The following SYTL3 variants were observed in gnomAD, a reference collection of about 807,000 sequenced individuals.
SYTL3 encodes synaptotagmin like 3, also known as synaptotagmin-like protein 3.
SYTL3 carries 88 observed loss-of-function variants against 82.1 expected under a neutral mutation model. That is an observed-to-expected ratio of 1.07 (90% confidence interval 0.90 to 1.28). SYTL3 has a LOEUF of 1.28. SYTL3 is among the 50% of genes most tolerant of loss of function. The probability of loss-of-function intolerance (pLI) is 0.00; values close to 1 mark genes in which losing one functional copy is unlikely to be tolerated. For synonymous variants in SYTL3, 311 were observed against 289.4 expected (o/e 1.07, Z -0.76); for missense variants, 831 against 757.6 (o/e 1.10, Z -1.14).
At chr6:158,752,460 CA>C (rs1411787670) in intron 13 of SYTL3, among the ~76,000 whole-genome samples, 1 of 152,228 alleles carries the variant, frequency 6.6e-6, no homozygotes, top group African/African-American at 2.4e-5. Context: ...GTATTTCTGA[CA>C]AACTCAGGTT....
At chr6:158,739,619 G>A (rs1470126625) in intron 11 of SYTL3, among the ~76,000 whole-genome samples, 2 of 151,318 alleles carry the variant, frequency 1.3e-5, no homozygotes, top group Non-Finnish European at 2.9e-5. Flanking sequence ...TTCTGAGATG[G>A]GGGTCTCATT....
chr6:158,694,228 A>C (rs2128427335), intron 6 of SYTL3, among the ~76,000 whole-genome samples: 1 of 152,264 alleles, frequency 6.6e-6, no homozygotes, highest in Non-Finnish European at 1.5e-5. Context: ...CTTGCCCTTC[A>C]AAATTTTTTG....
At position 158,760,743 on chromosome 6, in the gene SYTL3, A is replaced by G; in HGVS notation, c.1412A>G (p.Glu471Gly). ...SRPRKLQEAQ[E>G]GTDQPSLHGQ... ...CCCAGAAAACTCCAAGAGGCTCAAG[A>G]AGGTCAGTGGCCTCCAGCTCCCTGG... The change falls in exon 15 of 18, where the codon GAA becomes GGA. Residue 471 changes from glutamate to glycine, a missense_variant and splice_region_variant. By Grantham distance (98) the Glu-to-Gly change is moderately conservative (BLOSUM62 -2). Coordinates refer to ENST00000611299, the MANE Select transcript of SYTL3 (RefSeq NM_001242394.2). 2 of 1,612,486 alleles carry G rather than the reference A, an allele frequency of 1.2e-6. No individual in the cohort carries two copies. Among genetic ancestry groups the G allele is most frequent in the Non-Finnish European group, 8.5e-7 (1 of 1,178,550 alleles).
At chr6:158,725,328 T>C (rs529151550) in intron 10 of SYTL3, among the ~76,000 whole-genome samples, 175 bp from the exon 11 acceptor site, 1 of 150,964 alleles carries the variant, frequency 6.6e-6, no homozygotes, top group East Asian at 1.9e-4. Flanking sequence ...TGTGTGTGCG[T>C]GTGTGTGTGT....
chr6:158,724,669 C>T (rs750925524), intron 10 of SYTL3, among the ~76,000 whole-genome samples: 37 of 152,230 alleles, frequency 2.4e-4, no homozygotes, highest in Non-Finnish European at 2.4e-4. Context: ...TTTAAGTAGT[C>T]ATGTGTGGCT....
At chr6:158,706,997 A>G (rs1441832614) in intron 6 of SYTL3, among the ~76,000 whole-genome samples, 1 of 152,220 alleles carries the variant, frequency 6.6e-6, no homozygotes, top group African/African-American at 2.4e-5. Context: ...TTTCCATAAC[A>G]TAAAATGTGT....
At chr6:158,733,363 G>A (rs1785664240) in intron 11 of SYTL3, among the ~76,000 whole-genome samples, 1 of 151,792 alleles carries the variant, frequency 6.6e-6, no homozygotes. Flanking sequence ...GTCTTGCTCT[G>A]TCACCAAGGC....
At position 158,710,690 on chromosome 6, in the gene SYTL3, A is replaced by AT. The variant is rs955172007; in HGVS notation, c.516+2307dup. Among the ~76,000 whole-genome samples, 9 of 148,476 alleles carry AT rather than the reference A, an allele frequency of 6.1e-5. No homozygotes were observed. The East Asian group carries it at 9.9e-4, about 16-fold the overall frequency. On this transcript the variant is annotated intron_variant, in intron 8 of 17. Transcript: ENST00000611299. ...TAATTTGGCAGCGGAGATTTCTTGT[A>AT]TTTTTTTTGCCTGTGTTTTTACTTC...
chr6:158,707,245 T>A lies in SYTL3; in HGVS notation c.410T>A (p.Val137Asp). The A allele has an allele frequency of 6.2e-7, 1 of 1,613,980 alleles. No individual in the cohort carries two copies. The highest frequency in any genetic ancestry group is 8.5e-7 in the Non-Finnish European group (1 of 1,180,038). ...TCTCTCGCAGGCAAACATGAGACAG[T>A]TGGAGGGCAGCTCTTGCAATCTTAT... ...KFPTGGKHET[V>D]GGQLLQSYQK... is the part of the protein sequence containing the mutation. The change falls in exon 7 of 18, where the codon GTT becomes GAT. Residue 137 changes from valine (V) to aspartate (D), a missense_variant. Transcript: ENST00000611299.
intron 13 of SYTL3, among the ~76,000 whole-genome samples, chr6:158,755,453 C>G (rs1302907588): frequency 2.0e-5 from 3 of 152,214 alleles, no homozygotes; most frequent in African/African-American, 7.2e-5. Flanking sequence ...TGGCCACAAG[C>G]CACCCCAGCG....
intron 12 of SYTL3, 38 bp from the exon 13 acceptor site, chr6:158,751,890 T>G: frequency 2.7e-6 from 4 of 1,490,666 alleles, no homozygotes; most frequent in Non-Finnish European, 3.7e-6. Flanking sequence ...CCCCTTTCCC[T>G]GAGTTCTCAC....
chr6:158,671,432 G>A (rs1026729431), intron 5 of SYTL3, among the ~76,000 whole-genome samples: 2 of 152,126 alleles, frequency 1.3e-5, no homozygotes, highest in African/African-American at 4.8e-5. Flanking sequence ...ATTTTGCATG[G>A]TAGCCAAGAC....
intron 11 of SYTL3, among the ~76,000 whole-genome samples, chr6:158,729,475 T>C (rs1785131128): frequency 1.3e-5 from 2 of 152,154 alleles, no homozygotes; most frequent in South Asian, 2.1e-4. Context: ...TACTATCACA[T>C]TGGCAATTAC....
Position 158,707,276 on chromosome 6 carries a change from G to A in SYTL3, c.441G>A (p.Lys147=), listed in dbSNP as rs548805403. The change falls in exon 7 of 18, where the codon AAG becomes AAA. Residue 147 remains lysine, a synonymous_variant. Coordinates refer to ENST00000611299, the MANE Select transcript of SYTL3 (RefSeq NM_001242394.2). ...GGCAGCTCTTGCAATCTTATCAGAAGCTGAGGTGAGTGTTACAAAGGACAG... is the reference window on the plus strand; with the variant it reads ...GGCAGCTCTTGCAATCTTATCAGAAACTGAGGTGAGTGTTACAAAGGACAG... The part of the protein sequence containing the change: ...VGGQLLQSYQ[K]LSKISVVPPT... The A allele has an allele frequency of 3.7e-5, 59 of 1,613,826 alleles. 1 individual carries two copies. The South Asian group carries it at 4.7e-4, about 13-fold the overall frequency.
chr6:158,726,315 T>C, intron 11 of SYTL3: 1 of 386,928 alleles, frequency 2.6e-6, no homozygotes. Context: ...TTCAGGTTTC[T>C]TCTTTTTTAA....
intron 6 of SYTL3, among the ~76,000 whole-genome samples, chr6:158,688,796 CACATAT>C (rs1299723526): frequency 6.6e-6 from 1 of 152,024 alleles, no homozygotes; most frequent in Non-Finnish European, 1.5e-5. Context: ...TGTGTATACA[CACATAT>C]ACATAGACTT....
intron 6 of SYTL3, among the ~76,000 whole-genome samples, chr6:158,694,494 C>A (rs1780355581): frequency 6.6e-6 from 1 of 151,940 alleles, no homozygotes. Flanking sequence ...GGGGTTTTGC[C>A]ATATTGCCCA....
At chr6:158,745,421 A>G in intron 11 of SYTL3, 59 bp from the exon 12 acceptor site, 1 of 1,444,722 alleles carries the variant, frequency 6.9e-7, no homozygotes, top group Non-Finnish European at 9.4e-7. Context: ...TTGAAACCAG[A>G]ACATCAAAAA....
Position 158,662,978 on chromosome 6 carries a change from T to C in SYTL3, c.-291T>C, listed in dbSNP as rs1016554739. 2.4e-5 allele frequency: 7 copies of C among 290,392 alleles called. No homozygotes were observed. Among genetic ancestry groups the C allele is most frequent in the African/African-American group, 4.3e-5 (2 of 46,052 alleles). 18.0% of individuals were successfully genotyped at this position (290,392 alleles called of 1,614,324 possible). A position where few individuals can be genotyped will look rare whatever the true frequency, so the allele number is the denominator to read the frequency against. ...GAGATATGCTTTTGTCTTAGATGGA[T>C]GTCAGCAGCTGCTGCAGAACCCGGT... On this transcript the variant is annotated 5_prime_UTR_variant, in exon 4 of 18. An upstream start codon of the reference 5' UTR is lost. Coordinates refer to ENST00000611299, the MANE Select transcript of SYTL3 (RefSeq NM_001242394.2).
Sources: gnomAD v4.1 joint callset for allele counts (sites outside exome capture counted in the v4.1 genomes callset) on GRCh38, gnomAD v4.1.1 for gene constraint, MANE v1.5 for transcripts, NCBI Gene and HGNC (gene_info 2026-07-23, HGNC 2026-07-21) for gene names.